SUMO2: variants seen among roughly 807,000 people sequenced by gnomAD.
SUMO2 encodes the protein small ubiquitin-related modifier 2.
A neutral mutation model predicts 16.0 loss-of-function variants in SUMO2; 1 was observed. The observed-to-expected ratio is 0.06, with a 90% CI of 0.02 to 0.30. The LOEUF (loss-of-function observed/expected upper bound fraction) is 0.30, where lower values mean the gene tolerates loss of function less well. Among genes scored for constraint, SUMO2 ranks in the 10% least tolerant of loss-of-function variants. The pLI, the probability that SUMO2 is intolerant of heterozygous loss-of-function variation, is 1.00. For missense variants in SUMO2, 16 were observed against 117.5 expected (o/e 0.14, Z 3.99); for synonymous variants, 36 against 40.6 (o/e 0.89, Z 0.43).
At chr17:75,177,854 TG>T (rs2074795002) in intron 2 of SUMO2, among the ~76,000 whole-genome samples, 1 of 150,564 alleles carries the variant, frequency 6.6e-6, no homozygotes, top group East Asian at 2.0e-4. Flanking sequence ...CCGAGCACGG[TG>T]GTAGGTGCCT....
intron 2 of SUMO2, 44 bp from the exon 3 acceptor site, chr17:75,174,867 G>C: frequency 1.9e-6 from 3 of 1,545,478 alleles, no homozygotes; most frequent in Non-Finnish European, 2.7e-6. Flanking sequence ...AAGAGAAACA[G>C]AATTCTATTT....
intron 2 of SUMO2, among the ~76,000 whole-genome samples, chr17:75,176,989 C>T (rs1244419373): frequency 6.6e-6 from 1 of 151,824 alleles, no homozygotes; most frequent in East Asian, 1.9e-4. Flanking sequence ...TCGAGACCAG[C>T]CTGTCCAACA....
intron 3 of SUMO2, 151 bp downstream of exon 3, chr17:75,174,601 A>G (rs1036783220): frequency 1.7e-6 from 1 of 573,782 alleles, no homozygotes; most frequent in Non-Finnish European, 3.0e-6. Flanking sequence ...GCCTATTCCT[A>G]TTTTCCTTTC....
At chr17:75,181,519 A>AC (rs950279461) in intron 1 of SUMO2, among the ~76,000 whole-genome samples, 1 of 152,094 alleles carries the variant, frequency 6.6e-6, no homozygotes, top group African/African-American at 2.4e-5. Flanking sequence ...AAAATACTTT[A>AC]CCCCCCAAAA....
chr17:75,173,165 G>GT (rs1256240374), intron 3 of SUMO2, among the ~76,000 whole-genome samples: 3 of 152,078 alleles, frequency 2.0e-5, no homozygotes, highest in Admixed American at 6.6e-5. Context: ...TTCAGAAACT[G>GT]TAAGTCTTCT....
chr17:75,181,851 G>A (rs2074831540), intron 1 of SUMO2, among the ~76,000 whole-genome samples: 1 of 151,884 alleles, frequency 6.6e-6, no homozygotes, highest in African/African-American at 2.4e-5. Flanking sequence ...GTTGTCATGG[G>A]TCAAATACAC....
intron 1 of SUMO2, 166 bp downstream of exon 1, chr17:75,182,648 G>A (rs2074838750): frequency 4.5e-6 from 2 of 442,980 alleles, no homozygotes; most frequent in Admixed American, 4.9e-5. Context: ...GAGGGAGGAA[G>A]AGAGGGAGGG....
intron 3 of SUMO2, among the ~76,000 whole-genome samples, chr17:75,171,037 A>T (rs775447862): frequency 1.3e-5 from 2 of 151,832 alleles, no homozygotes; most frequent in Non-Finnish European, 2.9e-5. Flanking sequence ...TGCACTGACT[A>T]TATAAGTTAG....
rs530114933 is a variant in SUMO2, at chr17:75,165,745, C to G, written c.*2594G>C. The G allele has an allele frequency of 6.6e-6, 1 of 152,112 alleles. No individual in the cohort carries two copies. The highest frequency in any genetic ancestry group is 1.5e-5 in the Non-Finnish European group (1 of 68,026). 9.4% of individuals were successfully genotyped at this position (152,112 alleles called of 1,614,324 possible). Reference sequence around the variant, plus strand: ...CTCATCTATAAAATGGCAGTGAGGCCGGGCGCAGTGGATCATGCCTGTAAT... The same window carrying G: ...CTCATCTATAAAATGGCAGTGAGGCGGGGCGCAGTGGATCATGCCTGTAAT... On this transcript the variant is annotated 3_prime_UTR_variant, in exon 4 of 4. Transcript: ENST00000420826.
intron 2 of SUMO2, among the ~76,000 whole-genome samples, chr17:75,177,951 T>C (rs1463806366): frequency 8.4e-6 from 1 of 119,424 alleles, no homozygotes; most frequent in Non-Finnish European, 1.6e-5. Flanking sequence ...ATTATGTCAC[T>C]ACACTCCAGT....
At chr17:75,173,413 G>T (rs937424553) in intron 3 of SUMO2, among the ~76,000 whole-genome samples, 2 of 151,600 alleles carry the variant, frequency 1.3e-5, no homozygotes, top group African/African-American at 4.8e-5. Context: ...TCCTGCCAGT[G>T]TCAGTTTCCT....
At chr17:75,173,203 G>A (rs934997573) in intron 3 of SUMO2, among the ~76,000 whole-genome samples, 2 of 151,896 alleles carry the variant, frequency 1.3e-5, no homozygotes, top group Non-Finnish European at 2.9e-5. Flanking sequence ...TTGCTCTATC[G>A]CCCAGGCTGG....
intron 2 of SUMO2, among the ~76,000 whole-genome samples, chr17:75,180,400 A>AAAAC (rs2074818105): frequency 7.4e-6 from 1 of 135,540 alleles, no homozygotes. Context: ...CTTAAAAAAA[A>AAAAC]AAAAAAAAAA....
chr17:75,172,551 G>A (rs925453463), intron 3 of SUMO2, among the ~76,000 whole-genome samples: 10 of 146,554 alleles, frequency 6.8e-5, no homozygotes, highest in African/African-American at 1.0e-4. Flanking sequence ...CGTGATCTCC[G>A]GCTCACTGCA....
intron 3 of SUMO2, among the ~76,000 whole-genome samples, chr17:75,170,339 A>T (rs1170858227): frequency 1.3e-5 from 2 of 152,164 alleles, no homozygotes; most frequent in Non-Finnish European, 2.9e-5. Flanking sequence ...TGGGAGGCCA[A>T]GGTGGGCGGA....
intron 1 of SUMO2, 78 bp downstream of exon 1, chr17:75,182,733 AGCG>A: frequency 8.4e-7 from 1 of 1,183,692 alleles, no homozygotes; most frequent in Non-Finnish European, 1.1e-6. Context: ...GCTGGGAGCC[AGCG>A]GCGGGCTCTG....
chr17:75,174,015 G>A (rs184785489), intron 3 of SUMO2, among the ~76,000 whole-genome samples: 134 of 152,274 alleles, frequency 8.8e-4, no homozygotes, highest in South Asian at 5.8e-3. Flanking sequence ...GCTATGGGAC[G>A]TGGCAATTAG....
At position 75,178,921 on chromosome 17, in the gene SUMO2, C is replaced by T. The variant is rs550299845; in HGVS notation, c.153+2136G>A. Reference sequence around the variant, plus strand: ...AGTGAGCCGAGATTGCGCCACTGCACTCTAGCCTGGGCAATAAGAGCAAAA... The same window carrying T: ...AGTGAGCCGAGATTGCGCCACTGCATTCTAGCCTGGGCAATAAGAGCAAAA... On this transcript the variant is annotated intron_variant, in intron 2 of 3. Transcript: ENST00000420826. Among the ~76,000 whole-genome samples the T allele has an allele frequency of 2.6e-5, 4 of 152,216 alleles. No homozygotes were observed. The South Asian group carries it at 8.3e-4, about 32-fold the overall frequency.
At position 75,169,538 on chromosome 17, in the gene SUMO2, A is replaced by G. The variant is rs562531945; in HGVS notation, c.226-1137T>C. 4.6e-5 allele frequency among the ~76,000 whole-genome samples: 7 copies of G among 151,556 alleles called. No homozygotes were observed. In the South Asian group the frequency reaches 1.0e-3, roughly 23 times the overall value. ...AGCTGGGACTACAGGTGCCCGCCACAACGCCTGGCTAATTTTTTGTATTTT... is the reference window on the plus strand; with the variant it reads ...AGCTGGGACTACAGGTGCCCGCCACGACGCCTGGCTAATTTTTTGTATTTT... On this transcript the variant is annotated intron_variant, in intron 3 of 3. Transcript: ENST00000420826.
Sources: allele counts gnomAD v4.1 joint callset (sites outside exome capture counted in the v4.1 genomes callset), GRCh38; gene constraint gnomAD v4.1.1; transcripts MANE v1.5; gene names NCBI Gene and HGNC (gene_info 2026-07-23, HGNC 2026-07-21).